The following SLC1A3 variants were observed in gnomAD, a reference collection of about 807,000 sequenced individuals.
The protein encoded by SLC1A3 is excitatory amino acid transporter 1.
SLC1A3 carries 21 observed loss-of-function variants against 48.1 expected under a neutral mutation model. The observed-to-expected ratio is 0.44, with a 90% confidence interval of 0.31 to 0.63. The LOEUF is 0.63. SLC1A3 is among the 20% of genes least tolerant of loss of function. SLC1A3 has a pLI of 0.08. For missense variants in SLC1A3, 546 were observed against 689.0 expected (o/e 0.79, Z 2.32); for synonymous variants, 239 against 251.4 (o/e 0.95, Z 0.47).
chr5:36,673,472 G>A (rs1742078637), intron 4 of SLC1A3, among the ~76,000 whole-genome samples: 1 of 152,194 alleles, frequency 6.6e-6, no homozygotes, highest in Non-Finnish European at 1.5e-5. Flanking sequence ...CTCTGAAGAA[G>A]TAACAAGTCC....
chr5:36,601,084 A>G (rs997658053), intron 1 of SLC1A3, among the ~76,000 whole-genome samples: 2 of 152,244 alleles, frequency 1.3e-5, no homozygotes, highest in South Asian at 4.1e-4. Flanking sequence ...TTGCTATAAT[A>G]GTCGTTTCTG....
intron 3 of SLC1A3, among the ~76,000 whole-genome samples, chr5:36,651,141 T>TAA (rs58660599): frequency 1.8e-4 from 21 of 114,560 alleles, no homozygotes; most frequent in African/African-American, 7.2e-4. Context: ...AAGTTTTTTT[T>TAA]AAAAAAAAAA....
intron 3 of SLC1A3, among the ~76,000 whole-genome samples, chr5:36,653,357 TG>T: frequency 6.6e-6 from 1 of 152,358 alleles, no homozygotes; most frequent in East Asian, 1.9e-4. Context: ...AGGCCTTTAA[TG>T]TGTGGCGGTG....
chr5:36,673,046 C>A (rs1200051883), intron 4 of SLC1A3, among the ~76,000 whole-genome samples: 2 of 152,116 alleles, frequency 1.3e-5, no homozygotes, highest in African/African-American at 4.8e-5. Context: ...ATGTATCCTG[C>A]CTACAACCAA....
rs141981037 is a variant in SLC1A3 at position 36,658,737 on chromosome 5, T to G, written c.320-12292T>G. On this transcript the variant is annotated intron_variant, in intron 3 of 9. Transcript: ENST00000265113. Reference sequence around the variant, plus strand: ...ACTCTAAACAGAGTTGGGGGAGAAATGCTGCAGCTTCACCAACTGGCCTGG... The same window carrying G: ...ACTCTAAACAGAGTTGGGGGAGAAAGGCTGCAGCTTCACCAACTGGCCTGG... Among the ~76,000 whole-genome samples the G allele has an allele frequency of 2.1e-3, 319 of 152,296 alleles. 1 individual carries two copies. Among genetic ancestry groups the G allele is most frequent in the Non-Finnish European group, 2.9e-3 (196 of 68,030 alleles).
At chr5:36,648,273 A>C (rs1740915118) in intron 3 of SLC1A3, among the ~76,000 whole-genome samples, 1 of 152,216 alleles carries the variant, frequency 6.6e-6, no homozygotes, top group Admixed American at 6.5e-5. Flanking sequence ...TCTGGGCAAC[A>C]AACTTAAGTT....
intron 3 of SLC1A3, among the ~76,000 whole-genome samples, chr5:36,648,381 A>T (rs1740920699): frequency 6.6e-6 from 1 of 152,200 alleles, no homozygotes; most frequent in African/African-American, 2.4e-5. Context: ...TACGGTTCTT[A>T]AGTTAATGTG....
At chr5:36,617,452 T>C (rs1739484625) in intron 2 of SLC1A3, among the ~76,000 whole-genome samples, 1 of 149,548 alleles carries the variant, frequency 6.7e-6, no homozygotes, top group African/African-American at 2.5e-5. Flanking sequence ...TATTTTATTT[T>C]ACTTATGTAG....
At chr5:36,661,709 G>A (rs961344913) in intron 3 of SLC1A3, among the ~76,000 whole-genome samples, 1 of 152,206 alleles carries the variant, frequency 6.6e-6, no homozygotes, top group Non-Finnish European at 1.5e-5. Context: ...GGGCCAGAAT[G>A]AACTGGTCTT....
At chr5:36,657,125 G>A (rs1741317020) in intron 3 of SLC1A3, among the ~76,000 whole-genome samples, 2 of 152,112 alleles carry the variant, frequency 1.3e-5, no homozygotes, top group Non-Finnish European at 2.9e-5. Flanking sequence ...TAGAGGGGAA[G>A]GATATTTATT....
Position 36,629,447 on chromosome 5 carries a change from C to CTTT in SLC1A3, c.182-3_182-2insTTT. ...TTTTTCTTTTTTTTTTTTTTTCCTT[C>CTTT]AGGTACAATCCTTGGATTTACCCTC... On this transcript the variant is annotated splice_polypyrimidine_tract_variant and splice_region_variant and intron_variant, in intron 2 of 9. Transcript: ENST00000265113. The CTTT allele has an allele frequency of 6.5e-7, 1 of 1,531,990 alleles. No homozygotes were observed. 94.9% of individuals were successfully genotyped at this position (1,531,990 alleles called of 1,614,324 possible). A position where few individuals can be genotyped will look rare whatever the true frequency, so the allele number is the denominator to read the frequency against.
At chr5:36,607,740 T>C (rs948220815) in intron 1 of SLC1A3, among the ~76,000 whole-genome samples, 4 of 152,262 alleles carry the variant, frequency 2.6e-5, no homozygotes, top group African/African-American at 9.6e-5. Flanking sequence ...TAGTCACATG[T>C]ATTTCCCATG....
chr5:36,648,402 A>G (rs1328432555), intron 3 of SLC1A3, among the ~76,000 whole-genome samples: 1 of 152,182 alleles, frequency 6.6e-6, no homozygotes, highest in Non-Finnish European at 1.5e-5. Flanking sequence ...AACCTGCAAA[A>G]TCTACCATTT....
intron 2 of SLC1A3, 122 bp from the exon 3 acceptor site, chr5:36,629,328 G>A: frequency 1.2e-6 from 1 of 836,230 alleles, no homozygotes; most frequent in Non-Finnish European, 1.9e-6. Flanking sequence ...AAGCAGCACA[G>A]ATATTTGCTG....
chr5:36,622,444 C>A (rs1453853840), intron 2 of SLC1A3, among the ~76,000 whole-genome samples: 5 of 152,186 alleles, frequency 3.3e-5, no homozygotes, highest in Admixed American at 3.3e-4. Context: ...CAAACTCCAA[C>A]ATTTACCAAA....
At chr5:36,664,907 A>T (rs1741669883) in intron 3 of SLC1A3, among the ~76,000 whole-genome samples, 1 of 152,230 alleles carries the variant, frequency 6.6e-6, no homozygotes, top group Non-Finnish European at 1.5e-5. Context: ...GGAAAGCAAT[A>T]GGGTGCCCAT....
At chr5:36,611,001 A>G (rs1055697778) in intron 2 of SLC1A3, among the ~76,000 whole-genome samples, 1 of 152,224 alleles carries the variant, frequency 6.6e-6, no homozygotes, top group Non-Finnish European at 1.5e-5. Context: ...GAGAGAAGGA[A>G]GAACCCTTCA....
At chr5:36,673,973 C>CA in intron 4 of SLC1A3, 76 bp from the exon 5 acceptor site, 1 of 1,153,650 alleles carries the variant, frequency 8.7e-7, no homozygotes, top group Non-Finnish European at 1.3e-6. Context: ...CTTTACCTTA[C>CA]ACACAATGAA....
chr5:36,685,269 T>C (rs539792547), intron 9 of SLC1A3, among the ~76,000 whole-genome samples: 9 of 152,186 alleles, frequency 5.9e-5, no homozygotes, highest in Non-Finnish European at 1.2e-4. Flanking sequence ...GACCCCAAAA[T>C]TTATTTTATT....
Sources: gnomAD v4.1 joint callset for allele counts (sites outside exome capture counted in the v4.1 genomes callset) on GRCh38, gnomAD v4.1.1 for gene constraint, MANE v1.5 for transcripts, NCBI Gene and HGNC (gene_info 2026-07-23, HGNC 2026-07-21) for gene names.